L3MBTL4: variants seen among roughly 807,000 people sequenced by gnomAD.
L3MBTL4 encodes lethal(3)malignant brain tumor-like protein 4.
Under a neutral mutation model 84.5 loss-of-function variants are expected in L3MBTL4, and 70 were observed. The ratio of observed to expected loss-of-function variants is 0.83; its 90% CI spans 0.68 to 1.01. The LOEUF is 1.01. L3MBTL4 is among the 50% of genes least tolerant of loss of function. The pLI, the probability that L3MBTL4 is intolerant of heterozygous loss-of-function variation, is 0.00. For missense variants in L3MBTL4, 715 were observed against 754.8 expected, an observed-to-expected ratio of 0.95 and a Z score of 0.62; for synonymous variants, 274 against 259.8, an observed-to-expected ratio of 1.05 and a Z score of -0.52.
intron 5 of L3MBTL4, among the ~76,000 whole-genome samples, chr18:6,253,837 T>A (rs2048026947): frequency 6.6e-6 from 1 of 152,218 alleles, no homozygotes; most frequent in Non-Finnish European, 1.5e-5. Context: ...CTTGAGAAAC[T>A]TTATGATCTT....
In L3MBTL4 at chr18:6,387,954, T is replaced by C. The variant is rs1378089508; in HGVS notation, c.-91+26847A>G. Among the ~76,000 whole-genome samples the C allele has an allele frequency of 3.3e-5, 5 of 152,276 alleles. No homozygotes were observed. In the East Asian group the frequency reaches 7.7e-4, roughly 23 times the overall value. ...AGTTGATTAAGAAGTCACAGAGGTA[T>C]AGACACACTATCTAGAGTGTGGAGG... On this transcript the variant is annotated intron_variant, in intron 1 of 18. Coordinates refer to ENST00000317931, the MANE Select transcript of L3MBTL4 (RefSeq NM_001330559.2).
At chr18:6,182,381 T>G (rs1160946865) in intron 12 of L3MBTL4, among the ~76,000 whole-genome samples, 1 of 152,242 alleles carries the variant, frequency 6.6e-6, no homozygotes, top group African/African-American at 2.4e-5. Flanking sequence ...TTAAAATCAT[T>G]TGCCCACTTT....
At chr18:6,031,959 C>T in intron 16 of L3MBTL4, 1 of 522,192 alleles carries the variant, frequency 1.9e-6, no homozygotes, top group Non-Finnish European at 2.5e-6. Flanking sequence ...ATTTCTCCAC[C>T]CTTTCCACCA....
intron 10 of L3MBTL4, among the ~76,000 whole-genome samples, chr18:6,226,989 A>C (rs2046809001): frequency 6.6e-6 from 1 of 152,170 alleles, no homozygotes; most frequent in Non-Finnish European, 1.5e-5. Flanking sequence ...AAAGATATGC[A>C]ATACAAGCAT....
chr18:6,004,408 C>G (rs1396809519), intron 16 of L3MBTL4, among the ~76,000 whole-genome samples: 1 of 152,160 alleles, frequency 6.6e-6, no homozygotes, highest in African/African-American at 2.4e-5. Context: ...AAAGATAAGC[C>G]CTGGACGAGA....
chr18:6,060,418 T>C (rs1178344185), intron 16 of L3MBTL4, among the ~76,000 whole-genome samples: 1 of 151,688 alleles, frequency 6.6e-6, no homozygotes, highest in Non-Finnish European at 1.5e-5. Context: ...TTAAAATTGA[T>C]CTTTTATTTT....
intron 12 of L3MBTL4, among the ~76,000 whole-genome samples, chr18:6,193,205 G>C (rs1389642743): frequency 6.6e-6 from 1 of 152,060 alleles, no homozygotes; most frequent in Non-Finnish European, 1.5e-5. Flanking sequence ...CAGGGTGCTT[G>C]AAGGATCGCC....
chr18:6,304,551 A>T (rs1359325962), intron 3 of L3MBTL4, among the ~76,000 whole-genome samples: 1 of 152,250 alleles, frequency 6.6e-6, no homozygotes, highest in African/African-American at 2.4e-5. Flanking sequence ...CTCCCAGCAG[A>T]TGCTACTGCC....
At chr18:6,294,245 A>T (rs531021630) in intron 4 of L3MBTL4, among the ~76,000 whole-genome samples, 1 of 152,262 alleles carries the variant, frequency 6.6e-6, no homozygotes, top group African/African-American at 2.4e-5. Context: ...ACAAAATATC[A>T]ATTAAAAAAG....
chr18:6,303,958 G>A lies in L3MBTL4; in HGVS notation c.73-2001C>T, dbSNP rs551297967. 9.4e-5 allele frequency among the ~76,000 whole-genome samples: 14 copies of A among 148,912 alleles called. 2 individuals are homozygous for A. Among genetic ancestry groups the A allele is most frequent in the African/African-American group, 3.5e-4 (14 of 40,266 alleles). ...GAACCCGGAAGGCGGAGGTTGCAGC[G>A]AGCTGAGATCACGCCGTTGCACTCC... On this transcript the variant is annotated intron_variant, in intron 3 of 18. Transcript: ENST00000317931.
chr18:6,387,194 G>A (rs181307152), intron 1 of L3MBTL4, among the ~76,000 whole-genome samples: 37 of 152,278 alleles, frequency 2.4e-4, no homozygotes, highest in East Asian at 2.1e-3. Flanking sequence ...ATTGAGGTCT[G>A]GGAACCTCCA....
intron 10 of L3MBTL4, among the ~76,000 whole-genome samples, chr18:6,220,769 C>T (rs926003266): frequency 6.6e-6 from 1 of 152,126 alleles, no homozygotes; most frequent in Non-Finnish European, 1.5e-5. Flanking sequence ...GAAACATTTA[C>T]ATTTTACATT....
intron 12 of L3MBTL4, among the ~76,000 whole-genome samples, chr18:6,175,893 A>G (rs1221940605): frequency 6.6e-6 from 1 of 152,274 alleles, no homozygotes; most frequent in East Asian, 1.9e-4. Flanking sequence ...AAAACAATCA[A>G]TTCTATTAAT....
At chr18:5,983,551 G>T (rs1222364319) in intron 16 of L3MBTL4, among the ~76,000 whole-genome samples, 2 of 152,090 alleles carry the variant, frequency 1.3e-5, no homozygotes, top group Non-Finnish European at 2.9e-5. Flanking sequence ...TGAAGCTAGC[G>T]TTTGAAGAAG....
intron 10 of L3MBTL4, among the ~76,000 whole-genome samples, chr18:6,228,648 T>C (rs1369245515): frequency 2.0e-5 from 3 of 152,140 alleles, no homozygotes; most frequent in Non-Finnish European, 2.9e-5. Flanking sequence ...TCATTAATTA[T>C]TAGGGAAATG....
chr18:6,255,911 T>C (rs2048119789), intron 5 of L3MBTL4, among the ~76,000 whole-genome samples: 1 of 152,176 alleles, frequency 6.6e-6, no homozygotes, highest in Non-Finnish European at 1.5e-5. Context: ...TTTATAAAAG[T>C]ACTAAAAAGC....
intron 16 of L3MBTL4, among the ~76,000 whole-genome samples, chr18:6,050,124 G>A (rs1203827774): frequency 1.3e-5 from 2 of 152,160 alleles, no homozygotes; most frequent in East Asian, 3.8e-4. Context: ...GGCATAATAA[G>A]AGGCCAAACT....
intron 10 of L3MBTL4, among the ~76,000 whole-genome samples, chr18:6,234,681 G>A (rs2047142234): frequency 6.6e-6 from 1 of 152,170 alleles, no homozygotes; most frequent in African/African-American, 2.4e-5. Context: ...GTGCTGGAGA[G>A]GATGTGGAGA....
chr18:6,153,603 T>G (rs1450744231), intron 13 of L3MBTL4, among the ~76,000 whole-genome samples: 1 of 152,192 alleles, frequency 6.6e-6, no homozygotes, highest in African/African-American at 2.4e-5. Context: ...TGTAGACTCT[T>G]TAGGGATTTT....
Sources: allele counts gnomAD v4.1 joint callset (sites outside exome capture counted in the v4.1 genomes callset), GRCh38; gene constraint gnomAD v4.1.1; transcripts MANE v1.5; gene names NCBI Gene and HGNC (gene_info 2026-07-23, HGNC 2026-07-21).